The following PTPRJ variants were observed in gnomAD, a reference collection of about 807,000 sequenced individuals.
PTPRJ encodes the protein receptor-type tyrosine-protein phosphatase eta.
A neutral mutation model predicts 141.3 loss-of-function variants in PTPRJ; 129 were observed. The observed-to-expected ratio is 0.91, with a 90% confidence interval of 0.79 to 1.06. The LOEUF (loss-of-function observed/expected upper bound fraction) is 1.06. Ranked by LOEUF, PTPRJ falls within the 50% of genes least tolerant of loss-of-function variation. PTPRJ has a pLI of 0.00. For synonymous variants in PTPRJ, 610 were observed against 640.5 expected, an observed-to-expected ratio of 0.95 and a Z score of 0.72; for missense variants, 1,601 against 1,679.7, an observed-to-expected ratio of 0.95 and a Z score of 0.82.
At chr11:48,110,166 A>T in intron 2 of PTPRJ, 90 bp downstream of exon 2, 1 of 1,356,444 alleles carries the variant, frequency 7.4e-7, no homozygotes. Context: ...TGAAATGCTA[A>T]TTTATTAAAA....
At chr11:48,159,673 T>C (rs1284649744) in intron 21 of PTPRJ, among the ~76,000 whole-genome samples, 1 of 152,198 alleles carries the variant, frequency 6.6e-6, no homozygotes, top group Admixed American at 6.5e-5. Flanking sequence ...TGAGGATTGC[T>C]TGAGTGCAGG....
chr11:48,025,140 G>GC (rs899802519), intron 1 of PTPRJ, among the ~76,000 whole-genome samples: 1 of 152,082 alleles, frequency 6.6e-6, no homozygotes, highest in African/African-American at 2.4e-5. Flanking sequence ...TCTAGGGGGG[G>GC]CATACATCTA....
At position 48,145,140 on chromosome 11, in the gene PTPRJ, C is replaced by T; in HGVS notation, c.2911+16C>T. 1 of 1,613,318 alleles carries T rather than the reference C, an allele frequency of 6.2e-7. No individual in the cohort carries two copies. Among genetic ancestry groups the T allele is most frequent in the Non-Finnish European group, 8.5e-7 (1 of 1,179,940 alleles). ...CAGGATCCAGGTAGGGAGAAGACAA[C>T]AGTCCTGGCACTGGTTCAGTGGCAT... is the stretch of plus-strand genomic sequence containing the variant. On this transcript the variant is annotated intron_variant, in intron 14 of 24. Transcript: ENST00000418331.
At chr11:48,141,764 C>T (rs958288950) in intron 11 of PTPRJ, among the ~76,000 whole-genome samples, 6 of 152,152 alleles carry the variant, frequency 3.9e-5, no homozygotes, top group Non-Finnish European at 8.8e-5. Flanking sequence ...GGCAGGTTAG[C>T]TTCCTCATGC....
At chr11:48,079,646 G>A (rs1855508735) in intron 1 of PTPRJ, among the ~76,000 whole-genome samples, 2 of 152,128 alleles carry the variant, frequency 1.3e-5, no homozygotes, top group South Asian at 4.2e-4. Flanking sequence ...AAGAGGAGGA[G>A]CGGCCCCTGG....
At chr11:48,110,012 A>G (rs973346358) in intron 1 of PTPRJ, 46 bp from the exon 2 acceptor site, 8 of 1,610,072 alleles carry the variant, frequency 5.0e-6, no homozygotes, top group South Asian at 2.2e-5. Context: ...TGCATTTTCC[A>G]TGGCTGAATG....
rs1310366167 is a variant in PTPRJ at position 48,140,471 on chromosome 11, A to G, written c.2443+695A>G. Reference sequence around the variant, plus strand: ...GGATTTCCAGGTCTGGTGGTGGGTGAGCTAGCATGCTGCTGCCAATTTTGC... The same window carrying G: ...GGATTTCCAGGTCTGGTGGTGGGTGGGCTAGCATGCTGCTGCCAATTTTGC... On this transcript the variant is annotated intron_variant, in intron 11 of 24. Transcript: ENST00000418331. Among the ~76,000 whole-genome samples the G allele has an allele frequency of 3.3e-5, 5 of 152,174 alleles. No individual in the cohort carries two copies. In the East Asian group the frequency reaches 9.6e-4, roughly 29 times the overall value.
chr11:47,981,148 T>C (rs960946890), intron 1 of PTPRJ, 140 bp downstream of exon 1: 2 of 892,516 alleles, frequency 2.2e-6, no homozygotes, highest in Non-Finnish European at 2.9e-6. Flanking sequence ...GGAAGGCGAC[T>C]TGCGGGGACC....
intron 8 of PTPRJ, among the ~76,000 whole-genome samples, chr11:48,134,033 T>TG (rs1297035992): frequency 6.6e-6 from 1 of 152,206 alleles, no homozygotes; most frequent in Non-Finnish European, 1.5e-5. Context: ...GTAGTGGTGA[T>TG]AGTTACACAA....
chr11:48,139,398 T>C (rs749962408), intron 10 of PTPRJ, 88 bp from the exon 11 acceptor site: 14 of 1,420,502 alleles, frequency 9.9e-6, no homozygotes, highest in Non-Finnish European at 1.3e-5. Context: ...ACCCACCTTC[T>C]CATCCCCAGG....
rs557623474 is a variant in PTPRJ, at chr11:48,088,563, A to G, written c.97-21495A>G. ...ACAGGATTGTCCTTGAGACTTGGGC[A>G]CAGTGATGTGTGAAAAATGCCCACC... On this transcript the variant is annotated intron_variant, in intron 1 of 24. Coordinates refer to ENST00000418331, the MANE Select transcript of PTPRJ (RefSeq NM_002843.4). Among the ~76,000 whole-genome samples the G allele has an allele frequency of 2.0e-5, 3 of 152,286 alleles. No homozygotes were observed. The South Asian group carries it at 6.2e-4, about 32-fold the overall frequency.
chr11:48,109,387 A>C (rs1044882255), intron 1 of PTPRJ, among the ~76,000 whole-genome samples: 7 of 152,164 alleles, frequency 4.6e-5, no homozygotes, highest in Non-Finnish European at 7.4e-5. Flanking sequence ...ACAATTATGG[A>C]TCACAATGAA....
chr11:48,106,649 A>T (rs1856293567), intron 1 of PTPRJ, among the ~76,000 whole-genome samples: 2 of 151,150 alleles, frequency 1.3e-5, no homozygotes, highest in South Asian at 4.2e-4. Context: ...TACATGTAGG[A>T]TTTTCATGTA....
chr11:48,028,796 G>GCAAA (rs916972402), intron 1 of PTPRJ, among the ~76,000 whole-genome samples: 4 of 151,982 alleles, frequency 2.6e-5, no homozygotes, highest in Non-Finnish European at 4.4e-5. Flanking sequence ...CGTCTCAAAA[G>GCAAA]CAAACAAACA....
At chr11:48,112,546 G>A (rs775021615) in intron 2 of PTPRJ, among the ~76,000 whole-genome samples, 1 of 152,174 alleles carries the variant, frequency 6.6e-6, no homozygotes, top group African/African-American at 2.4e-5. Context: ...CTGCACTCTC[G>A]TGGCCAGGTA....
rs763823063 is a variant in PTPRJ at position 48,144,894 on chromosome 11, T to C, written c.2786+9T>C. The C allele has an allele frequency of 5.0e-6, 8 of 1,613,888 alleles. No individual in the cohort carries two copies. The highest frequency in any genetic ancestry group is 6.8e-6 in the Non-Finnish European group (8 of 1,179,978). On this transcript the variant is annotated intron_variant, in intron 13 of 24. Transcript: ENST00000418331. Reference sequence around the variant, plus strand: ...CCTCTGGGCTCCTACCGGTAATGTCTTCTGGTTCTTACTCTTTGGGGGCTG... The same window carrying C: ...CCTCTGGGCTCCTACCGGTAATGTCCTCTGGTTCTTACTCTTTGGGGGCTG...
chr11:48,110,182 T>C, intron 2 of PTPRJ, 106 bp downstream of exon 2: 1 of 1,244,896 alleles, frequency 8.0e-7, no homozygotes, highest in Non-Finnish European at 1.1e-6. Flanking sequence ...TAAAACCTGC[T>C]CGGTTTCCAA....
At chr11:47,985,981 C>CT (rs1229407012) in intron 1 of PTPRJ, among the ~76,000 whole-genome samples, 2 of 152,034 alleles carry the variant, frequency 1.3e-5, no homozygotes, top group Non-Finnish European at 2.9e-5. Context: ...GATTACAGGC[C>CT]TGAGCCACCG....
At chr11:48,103,138 C>T (rs1856190971) in intron 1 of PTPRJ, among the ~76,000 whole-genome samples, 1 of 152,170 alleles carries the variant, frequency 6.6e-6, no homozygotes, top group African/African-American at 2.4e-5. Flanking sequence ...CCTGTACTCT[C>T]AAATTTGAGT....
Sources: allele counts gnomAD v4.1 joint callset (sites outside exome capture counted in the v4.1 genomes callset), GRCh38; gene constraint gnomAD v4.1.1; transcripts MANE v1.5; gene names NCBI Gene and HGNC (gene_info 2026-07-23, HGNC 2026-07-21).